Variants in CALN1 observed in about 807,000 individuals in gnomAD.
CALN1 encodes the protein calcium-binding protein 8.
Under a neutral mutation model 30.6 loss-of-function variants are expected in CALN1, and 17 were observed. The observed-to-expected ratio is 0.56, with a 90% CI of 0.38 to 0.83. The LOEUF (loss-of-function observed/expected upper bound fraction) is 0.83. CALN1 is among the 40% of genes least tolerant of loss of function. The pLI is 0.00. For missense variants in CALN1, 291 were observed against 354.9 expected (o/e 0.82, Z 1.45); for synonymous variants, 156 against 131.4 (o/e 1.19, Z -1.28).
intron 3 of CALN1, among the ~76,000 whole-genome samples, chr7:72,229,208 G>C (rs1793909179): frequency 2.0e-5 from 3 of 152,026 alleles, no homozygotes; most frequent in Non-Finnish European, 2.9e-5. Context: ...CAGAACCTGT[G>C]AATCTGTTAC....
intron 5 of CALN1, among the ~76,000 whole-genome samples, chr7:72,005,560 G>A (rs1415252041): frequency 5.9e-5 from 9 of 151,922 alleles, no homozygotes; most frequent in Admixed American, 4.6e-4. Context: ...TCAAACTCCT[G>A]GGCTCAAGCA....
At chr7:72,024,371 C>A (rs1800913317) in intron 4 of CALN1, among the ~76,000 whole-genome samples, 1 of 152,150 alleles carries the variant, frequency 6.6e-6, no homozygotes, top group Non-Finnish European at 1.5e-5. Context: ...AAGACCAAAT[C>A]TCATCATGCT....
intron 5 of CALN1, among the ~76,000 whole-genome samples, chr7:71,898,869 A>C (rs1026373128): frequency 6.6e-6 from 1 of 152,210 alleles, no homozygotes; most frequent in African/African-American, 2.4e-5. Flanking sequence ...ATATAATCTC[A>C]TTTGAATGAG....
intron 2 of CALN1, among the ~76,000 whole-genome samples, chr7:72,312,081 T>G (rs961160577): frequency 1.3e-5 from 2 of 152,066 alleles, no homozygotes; most frequent in Non-Finnish European, 2.9e-5. Flanking sequence ...CCACCTGCCC[T>G]AGACTACAAG....
chr7:71,887,052 G>C (rs888020757), intron 5 of CALN1, among the ~76,000 whole-genome samples: 1 of 152,112 alleles, frequency 6.6e-6, no homozygotes, highest in Non-Finnish European at 1.5e-5. Context: ...AATTCTGAAC[G>C]GAGGAAAGTC....
the CALN1 span, among the ~76,000 whole-genome samples, chr7:72,481,719 T>C: frequency 1.3e-5 from 2 of 152,188 alleles, no homozygotes; most frequent in Non-Finnish European, 2.9e-5. Context: ...AACCCGTGGG[T>C]TTTTTAAAAG....
intron 2 of CALN1, among the ~76,000 whole-genome samples, chr7:72,294,890 G>A (rs1386776093): frequency 6.6e-6 from 1 of 152,076 alleles, no homozygotes. Flanking sequence ...GTGGGTATTA[G>A]GCTATGAAGG....
intron 3 of CALN1, among the ~76,000 whole-genome samples, chr7:72,197,899 G>C (rs1791145678): frequency 6.6e-6 from 1 of 151,904 alleles, no homozygotes; most frequent in South Asian, 2.1e-4. Flanking sequence ...AAAAATAAAT[G>C]TAAAAAAGAA....
At chr7:72,013,303 G>A (rs1426720981) in intron 5 of CALN1, among the ~76,000 whole-genome samples, 2 of 142,240 alleles carry the variant, frequency 1.4e-5, no homozygotes, top group Non-Finnish European at 3.0e-5. Context: ...CCAGGCTGGA[G>A]TGCAGTGACG....
chr7:72,015,529 G>C (rs753623147), intron 5 of CALN1, among the ~76,000 whole-genome samples: 6 of 151,016 alleles, frequency 4.0e-5, no homozygotes, highest in Non-Finnish European at 5.9e-5. Flanking sequence ...AGCCTCAACT[G>C]CCTGGATTCC....
intron 4 of CALN1, among the ~76,000 whole-genome samples, chr7:72,042,497 G>C (rs1220434020): frequency 6.6e-6 from 1 of 152,170 alleles, no homozygotes; most frequent in South Asian, 2.1e-4. Flanking sequence ...AAGTTCATTT[G>C]AGAATGAATG....
intron 3 of CALN1, among the ~76,000 whole-genome samples, chr7:72,266,523 T>TTTA (rs1796607869): frequency 6.6e-6 from 1 of 152,196 alleles, no homozygotes. Flanking sequence ...AATGTGTTCC[T>TTTA]TTAAGGGGCT....
intron 2 of CALN1, among the ~76,000 whole-genome samples, chr7:72,364,764 T>A (rs1417100432): frequency 6.6e-6 from 1 of 152,230 alleles, no homozygotes; most frequent in African/African-American, 2.4e-5. Context: ...TATTCATATA[T>A]CAAAACATCA....
At chr7:72,013,597 C>T (rs1017519918) in intron 5 of CALN1, among the ~76,000 whole-genome samples, 14 of 151,856 alleles carry the variant, frequency 9.2e-5, no homozygotes, top group Non-Finnish European at 2.1e-4. Flanking sequence ...CAGAATAGAC[C>T]GTATAGCCTA....
At chr7:71,889,539 A>G (rs1793113993) in intron 5 of CALN1, among the ~76,000 whole-genome samples, 1 of 152,108 alleles carries the variant, frequency 6.6e-6, no homozygotes, top group Admixed American at 6.6e-5. Flanking sequence ...ACCTAACCAC[A>G]TCCCGAAAGG....
At chr7:72,309,148 A>AT (rs1799866326) in intron 2 of CALN1, among the ~76,000 whole-genome samples, 1 of 151,996 alleles carries the variant, frequency 6.6e-6, no homozygotes, top group African/African-American at 2.4e-5. Flanking sequence ...TGCCTTTTTC[A>AT]TTTTCTCACC....
At chr7:72,172,833 A>G (rs964804990) in intron 3 of CALN1, among the ~76,000 whole-genome samples, 2 of 152,216 alleles carry the variant, frequency 1.3e-5, no homozygotes, top group African/African-American at 4.8e-5. Flanking sequence ...CCTGTATCTC[A>G]CATCATCCTT....
intron 3 of CALN1, among the ~76,000 whole-genome samples, chr7:72,151,334 T>C (rs934138669): frequency 6.6e-6 from 1 of 152,106 alleles, no homozygotes; most frequent in Non-Finnish European, 1.5e-5. Context: ...AATCTTCTAA[T>C]GTTCTTCCTG....
chr7:71,981,723 G>A (rs1010031824), intron 5 of CALN1, among the ~76,000 whole-genome samples: 1 of 151,906 alleles, frequency 6.6e-6, no homozygotes, highest in Non-Finnish European at 1.5e-5. Context: ...CTTCTGGATA[G>A]CTGAACACGT....
Sources: allele counts gnomAD v4.1 joint callset (sites outside exome capture counted in the v4.1 genomes callset), GRCh38; gene constraint gnomAD v4.1.1; transcripts MANE v1.5; gene names NCBI Gene and HGNC (gene_info 2026-07-23, HGNC 2026-07-21).